The following SYT9 variants were observed in gnomAD, a reference collection of about 807,000 sequenced individuals.
SYT9 encodes the protein synaptotagmin 9.
Under a neutral mutation model 48.4 loss-of-function variants are expected in SYT9, and 22 were observed. The ratio of observed to expected loss-of-function variants is 0.45; its 90% CI spans 0.32 to 0.65. The LOEUF is 0.65. Ranked by LOEUF, SYT9 falls within the 30% of genes least tolerant of loss-of-function variation. SYT9 has a pLI of 0.03. For missense variants in SYT9, 577 were observed against 622.0 expected, an observed-to-expected ratio of 0.93 and a Z score of 0.77; for synonymous variants, 265 against 245.0, an observed-to-expected ratio of 1.08 and a Z score of -0.76.
intron 1 of SYT9, among the ~76,000 whole-genome samples, chr11:7,265,582 T>C (rs1848164335): frequency 6.6e-6 from 1 of 152,092 alleles, no homozygotes; most frequent in East Asian, 1.9e-4. Context: ...TCAAAATAAA[T>C]GCTCAAACTG....
intron 1 of SYT9, among the ~76,000 whole-genome samples, chr11:7,272,157 T>C (rs1848309458): frequency 6.6e-6 from 1 of 152,186 alleles, no homozygotes; most frequent in African/African-American, 2.4e-5. Context: ...AATTTTCTTA[T>C]CTGCAAAATG....
chr11:7,397,835 C>T (rs1846786793), intron 3 of SYT9, among the ~76,000 whole-genome samples: 1 of 152,124 alleles, frequency 6.6e-6, no homozygotes, highest in South Asian at 2.1e-4. Context: ...TGCTTTTGTA[C>T]TGGCTTTGTT....
At chr11:7,281,921 G>A (rs146085128) in intron 1 of SYT9, among the ~76,000 whole-genome samples, 1 of 152,176 alleles carries the variant, frequency 6.6e-6, no homozygotes, top group African/African-American at 2.4e-5. Context: ...ACTTCCCACT[G>A]TAGGTACCTG....
At chr11:7,371,181 G>T (rs563350616) in intron 3 of SYT9, among the ~76,000 whole-genome samples, 1 of 152,034 alleles carries the variant, frequency 6.6e-6, no homozygotes, top group Non-Finnish European at 1.5e-5. Flanking sequence ...AAAGAGATTG[G>T]TTGTTTCATT....
At chr11:7,432,790 G>C (rs868651389) in intron 6 of SYT9, among the ~76,000 whole-genome samples, 1 of 151,136 alleles carries the variant, frequency 6.6e-6, no homozygotes, top group African/African-American at 2.4e-5. Context: ...TATATTACAG[G>C]CTCATGGGTA....
intron 3 of SYT9, among the ~76,000 whole-genome samples, chr11:7,333,286 A>G (rs1451640177): frequency 1.3e-5 from 2 of 152,170 alleles, no homozygotes; most frequent in Non-Finnish European, 1.5e-5. Context: ...TTATCTTTCC[A>G]GCTCCACACA....
chr11:7,244,899 G>A (rs1406778944), intron 1 of SYT9, among the ~76,000 whole-genome samples: 2 of 152,202 alleles, frequency 1.3e-5, no homozygotes, highest in Non-Finnish European at 2.9e-5. Context: ...TCAGAAGCCT[G>A]AGGCACAGAG....
chr11:7,407,397 G>C lies in SYT9; in HGVS notation c.1045-8645G>C, dbSNP rs1381397518. Among the ~76,000 whole-genome samples, 4 of 35,734 alleles carry C rather than the reference G, an allele frequency of 1.1e-4. 1 individual carries two copies. The highest frequency in any genetic ancestry group is 1.8e-4 in the Non-Finnish European group (4 of 22,718). The allele number at this position is 35,734 out of a possible 152,430, so 23.4% of individuals were successfully genotyped here. A position where few individuals can be genotyped will look rare whatever the true frequency, so the allele number is the denominator to read the frequency against. ...TTTTTTTTTTTTTTTTTTTTGAGAC[G>C]GAGTCTCGCTCTGTCGCCCAGGCCG... is the stretch of plus-strand genomic sequence containing the variant. On this transcript the variant is annotated intron_variant, in intron 3 of 6. Transcript: ENST00000318881.
rs772679621 is a variant in SYT9, at chr11:7,421,392, A to T, written c.1467+757A>T. 1.2e-4 allele frequency among the ~76,000 whole-genome samples: 19 copies of T among 152,252 alleles called. 1 individual carries two copies. The highest frequency in any genetic ancestry group is 1.3e-4 in the Non-Finnish European group (9 of 68,038). On this transcript the variant is annotated intron_variant, in intron 6 of 6. Transcript: ENST00000318881. ...CCTTTTTGATTCTCTTTGAATTCTC[A>T]TGCAAGACTGCTATTTACATTTAAT...
At chr11:7,378,656 G>A (rs1177286535) in intron 3 of SYT9, among the ~76,000 whole-genome samples, 1 of 151,842 alleles carries the variant, frequency 6.6e-6, no homozygotes, top group Non-Finnish European at 1.5e-5. Flanking sequence ...TGTCCTATGA[G>A]TATCCATGGA....
chr11:7,328,831 A>G (rs1849480747), intron 3 of SYT9, among the ~76,000 whole-genome samples: 1 of 152,176 alleles, frequency 6.6e-6, no homozygotes. Context: ...ACCATTTCAC[A>G]TTAATAACTG....
chr11:7,464,165 G>A (rs1022558666), intron 6 of SYT9, among the ~76,000 whole-genome samples: 4 of 152,174 alleles, frequency 2.6e-5, no homozygotes, highest in African/African-American at 9.7e-5. Flanking sequence ...GTTGTGCACA[G>A]AACTGTGGGG....
At chr11:7,247,700 A>C (rs1312520437), upstream of SYT9, among the ~76,000 whole-genome samples, 1 of 148,668 alleles carries the variant, frequency 6.7e-6, no homozygotes, top group Non-Finnish European at 1.5e-5. Flanking sequence ...ATATATATAT[A>C]TCACAGTTTC....
chr11:7,279,437 C>A (rs1166609597), intron 1 of SYT9, among the ~76,000 whole-genome samples: 1 of 152,126 alleles, frequency 6.6e-6, no homozygotes, highest in African/African-American at 2.4e-5. Context: ...AAGATACTTC[C>A]TTATGGGCAG....
chr11:7,324,537 AT>A (rs1849393668), intron 3 of SYT9, among the ~76,000 whole-genome samples: 1 of 151,910 alleles, frequency 6.6e-6, no homozygotes, highest in South Asian at 2.1e-4. Flanking sequence ...AAGACTATAA[AT>A]TTCCCTTGAA....
At chr11:7,454,085 T>C in intron 6 of SYT9, 1 of 985,422 alleles carries the variant, frequency 1.0e-6, no homozygotes, top group Non-Finnish European at 1.2e-6. Context: ...GTCGCCCCTT[T>C]TCTGACATTG....
Position 7,313,422 on chromosome 11 carries a change from C to T in SYT9, c.525C>T (p.Asn175=), listed in dbSNP as rs774143103. 3.6e-5 allele frequency: 58 copies of T among 1,612,660 alleles called. No homozygotes were observed. The Admixed American group carries it at 8.7e-4, about 24-fold the overall frequency. Residue 175 remains asparagine (N), a synonymous_variant, in exon 3 of 7, where the codon AAC becomes AAT. Coordinates refer to ENST00000318881, the MANE Select transcript of SYT9 (RefSeq NM_175733.4). ...ARHNSIRRQL[N]LSNPDFNIQQ... ...ATAATTCAATCCGAAGACAACTCAA[C>T]TTGTCAAACCCGGACTTCAATATCC...
At chr11:7,428,416 G>A (rs1054809371) in intron 6 of SYT9, among the ~76,000 whole-genome samples, 2 of 152,266 alleles carry the variant, frequency 1.3e-5, no homozygotes, top group South Asian at 2.1e-4. Context: ...TAACATGATA[G>A]GCCAGTTCTT....
At position 7,244,079 on chromosome 11, in the gene SYT9, G is replaced by A. The variant is rs149823514; in HGVS notation, c.49+5163G>A. The stretch of plus-strand genomic sequence containing the variant: ...AAACGATGAACAAATGTAAAACCAC[G>A]AGAATCTACTAAGAGACGGCAGAGG... On this transcript the variant is annotated intron_variant and NMD_transcript_variant, in intron 1 of 8. Coordinates refer to the SYT9 transcript ENST00000524820. Among the ~76,000 whole-genome samples, 37 of 152,184 alleles carry A rather than the reference G, an allele frequency of 2.4e-4. No homozygotes were observed. In the East Asian group the frequency reaches 2.5e-3, roughly 10 times the overall value.
Sources: allele counts gnomAD v4.1 joint callset (sites outside exome capture counted in the v4.1 genomes callset), GRCh38; gene constraint gnomAD v4.1.1; transcripts MANE v1.5; gene names NCBI Gene and HGNC (gene_info 2026-07-23, HGNC 2026-07-21).